Variants in ANO10 observed in about 807,000 individuals in gnomAD.
ANO10 encodes anoctamin-10.
Under a neutral mutation model 74.7 loss-of-function variants are expected in ANO10, and 77 were observed. The ratio of observed to expected loss-of-function variants is 1.03; its 90% CI spans 0.86 to 1.25. The LOEUF is 1.25. ANO10 is among the 50% of genes most tolerant of loss of function. The pLI is 0.00. For missense variants in ANO10, 721 were observed against 778.1 expected, an observed-to-expected ratio of 0.93 and a Z score of 0.87; for synonymous variants, 279 against 284.9, an observed-to-expected ratio of 0.98 and a Z score of 0.21.
At chr3:43,486,693 G>A (rs2076504533) in intron 11 of ANO10, among the ~76,000 whole-genome samples, 1 of 149,140 alleles carries the variant, frequency 6.7e-6, no homozygotes, top group African/African-American at 2.5e-5. Context: ...TCAGCTTAAG[G>A]AGATTTTGGG....
At chr3:43,683,608 G>A (rs2084231860) in intron 1 of ANO10, among the ~76,000 whole-genome samples, 1 of 152,176 alleles carries the variant, frequency 6.6e-6, no homozygotes. Flanking sequence ...CCAAAAAAGA[G>A]CCTGCATTGC....
At chr3:43,668,361 T>C (rs1206620822) in intron 1 of ANO10, among the ~76,000 whole-genome samples, 1 of 152,186 alleles carries the variant, frequency 6.6e-6, no homozygotes. Context: ...TGTGAATGTT[T>C]TCTCTCACTC....
chr3:43,487,899 C>T (rs2076560187), intron 11 of ANO10, among the ~76,000 whole-genome samples: 1 of 151,772 alleles, frequency 6.6e-6, no homozygotes, highest in Admixed American at 6.6e-5. Flanking sequence ...GGAGGCATCA[C>T]ACTACCTGAC....
At chr3:43,554,953 G>A (rs1185841877) in intron 10 of ANO10, among the ~76,000 whole-genome samples, 1 of 152,184 alleles carries the variant, frequency 6.6e-6, no homozygotes, top group Non-Finnish European at 1.5e-5. Flanking sequence ...GGCTTCCACT[G>A]ACACTGTAGC....
intron 2 of ANO10, 130 bp from the exon 3 acceptor site, chr3:43,600,711 C>T (rs1008484293): frequency 1.3e-6 from 1 of 798,220 alleles, no homozygotes; most frequent in Non-Finnish European, 2.0e-6. Context: ...TTAAATCCAT[C>T]TTCCAAGTAA....
At chr3:43,472,684 A>G (rs2075909219) in intron 11 of ANO10, 1 of 152,222 alleles carries the variant, frequency 6.6e-6, no homozygotes, top group Admixed American at 6.5e-5. Context: ...AGGAGGAAAA[A>G]TTGCTATAAA....
intron 1 of ANO10, among the ~76,000 whole-genome samples, chr3:43,688,265 C>G (rs1397378332): frequency 6.6e-6 from 1 of 152,112 alleles, no homozygotes; most frequent in South Asian, 2.1e-4. Context: ...CTGCAAAATC[C>G]TAAGGTTTCA....
At chr3:43,504,643 T>A (rs548961272) in intron 11 of ANO10, among the ~76,000 whole-genome samples, 1 of 152,044 alleles carries the variant, frequency 6.6e-6, no homozygotes, top group South Asian at 2.1e-4. Context: ...GAAATAATTA[T>A]TTATTTATTT....
chr3:43,504,300 GTAGA>G (rs550211978), intron 11 of ANO10, among the ~76,000 whole-genome samples: 14,630 of 139,554 alleles, frequency 0.1, 897 homozygotes, highest in African/African-American at 0.16. Flanking sequence ...AGGTAGGTAG[GTAGA>G]TAGATAGATA....
intron 11 of ANO10, among the ~76,000 whole-genome samples, chr3:43,452,796 G>A (rs1273352678): frequency 6.6e-6 from 1 of 152,154 alleles, no homozygotes; most frequent in South Asian, 2.1e-4. Context: ...ATTCCCACCA[G>A]CAGTGTACAA....
At chr3:43,422,343 C>G (rs1320443091) in intron 12 of ANO10, among the ~76,000 whole-genome samples, 4 of 152,164 alleles carry the variant, frequency 2.6e-5, no homozygotes, top group Admixed American at 6.5e-5. Context: ...TCTCAAACTC[C>G]TGACCTTGTG....
At chr3:43,547,944 G>C (rs1396757180) in intron 11 of ANO10, among the ~76,000 whole-genome samples, 2 of 152,206 alleles carry the variant, frequency 1.3e-5, no homozygotes, top group African/African-American at 4.8e-5. Context: ...TGGACACCAA[G>C]AGCTGGCTCA....
intron 11 of ANO10, among the ~76,000 whole-genome samples, chr3:43,491,814 A>G (rs1368745398): frequency 6.6e-6 from 1 of 152,188 alleles, no homozygotes; most frequent in South Asian, 2.1e-4. Context: ...TAATAATATA[A>G]CATGGTTTAT....
intron 12 of ANO10, among the ~76,000 whole-genome samples, chr3:43,390,619 C>A (rs1279460216): frequency 2.0e-5 from 3 of 152,206 alleles, no homozygotes; most frequent in African/African-American, 7.2e-5. Flanking sequence ...GCTGACATGG[C>A]CCTGTTTGTT....
At chr3:43,548,103 G>A (rs187753293) in intron 11 of ANO10, among the ~76,000 whole-genome samples, 2 of 152,262 alleles carry the variant, frequency 1.3e-5, no homozygotes, top group East Asian at 3.9e-4. Context: ...CACTGTTACG[G>A]TATTGGTAAA....
intron 12 of ANO10, among the ~76,000 whole-genome samples, chr3:43,378,074 T>G (rs910205150): frequency 6.6e-6 from 1 of 152,142 alleles, no homozygotes; most frequent in African/African-American, 2.4e-5. Flanking sequence ...AAGGATGAAG[T>G]AAGAGCCTAC....
At chr3:43,493,000 C>T (rs190394902) in intron 11 of ANO10, among the ~76,000 whole-genome samples, 4 of 152,232 alleles carry the variant, frequency 2.6e-5, no homozygotes, top group Non-Finnish European at 4.4e-5. Context: ...ATGTTTATTA[C>T]GGCACTATTC....
intron 11 of ANO10, among the ~76,000 whole-genome samples, chr3:43,440,147 A>G (rs927092908): frequency 6.6e-6 from 1 of 152,210 alleles, no homozygotes; most frequent in Non-Finnish European, 1.5e-5. Context: ...CAAAATAATT[A>G]CAAGACATAC....
intron 1 of ANO10, 103 bp from the exon 2 acceptor site, chr3:43,605,966 C>T (rs1335605805): frequency 1.9e-5 from 26 of 1,374,088 alleles, no homozygotes; most frequent in East Asian, 7.4e-5. Flanking sequence ...TTCTGGCTTC[C>T]AAGATAAAAG....
Sources: gnomAD v4.1 joint callset for allele counts (sites outside exome capture counted in the v4.1 genomes callset) on GRCh38, gnomAD v4.1.1 for gene constraint, MANE v1.5 for transcripts, NCBI Gene and HGNC (gene_info 2026-07-23, HGNC 2026-07-21) for gene names.